WNT2B: variants seen among roughly 807,000 people sequenced by gnomAD.
The protein encoded by WNT2B is protein Wnt-2b.
Under a neutral mutation model 40.5 loss-of-function variants are expected in WNT2B, and 19 were observed. That is an observed-to-expected ratio of 0.47 (90% CI 0.33 to 0.69). The LOEUF (loss-of-function observed/expected upper bound fraction) is 0.69, where lower values mean the gene tolerates loss of function less well. Among genes scored for constraint, WNT2B ranks in the 30% least tolerant of loss-of-function variants. WNT2B has a pLI of 0.02. For synonymous variants in WNT2B, 220 were observed against 211.9 expected, an observed-to-expected ratio of 1.04 and a Z score of -0.33; for missense variants, 467 against 556.4, an observed-to-expected ratio of 0.84 and a Z score of 1.62.
Position 112,525,712 on chromosome 1 carries a change from A to G in WNT2B, c.*5203A>G, listed in dbSNP as rs12094504. ...TCTTTCTCTTTGACCAAAGGAGCCA[A>G]AATGCGGTGACTTGACTTCAACCCC... On this transcript the variant is annotated 3_prime_UTR_variant, in exon 5 of 5. Transcript: ENST00000369684. 0.02 allele frequency: 5,019 copies of G among 246,874 alleles called. 273 individuals carry two copies. The highest frequency in any genetic ancestry group is 0.1 in the African/African-American group (4,670 of 45,282). The allele number at this position is 246,874 out of a possible 1,614,324, so 15.3% of individuals were successfully genotyped here.
chr1:112,503,260 C>T (rs544903463), intron 1 of WNT2B, among the ~76,000 whole-genome samples: 1 of 152,192 alleles, frequency 6.6e-6, no homozygotes, highest in South Asian at 2.1e-4. Flanking sequence ...GACGGTCGGT[C>T]CCACAGAAGG....
intron 1 of WNT2B, among the ~76,000 whole-genome samples, chr1:112,510,952 C>T (rs1368015271): frequency 6.6e-6 from 1 of 152,202 alleles, no homozygotes; most frequent in Non-Finnish European, 1.5e-5. Flanking sequence ...GAAGTAACCG[C>T]TGCCCATCTT....
intron 1 of WNT2B, among the ~76,000 whole-genome samples, chr1:112,479,408 T>C (rs559886624): frequency 8.6e-5 from 13 of 151,488 alleles, no homozygotes; most frequent in Admixed American, 8.5e-4. Flanking sequence ...ACCCCGTCTC[T>C]ACTAAAAATA....
intron 1 of WNT2B, among the ~76,000 whole-genome samples, chr1:112,488,715 C>G (rs1651500499): frequency 6.6e-6 from 1 of 151,932 alleles, no homozygotes; most frequent in Non-Finnish European, 1.5e-5. Flanking sequence ...CCATGCCCGG[C>G]TAATTTTTTT....
intron 4 of WNT2B, among the ~76,000 whole-genome samples, chr1:112,519,129 G>C (rs1473419748): frequency 2.0e-5 from 3 of 152,134 alleles, no homozygotes; most frequent in Non-Finnish European, 4.4e-5. Context: ...AACATATACA[G>C]TAGACCTAGT....
intron 1 of WNT2B, 115 bp from the exon 2 acceptor site, chr1:112,514,759 G>A (rs1335219947): frequency 5.4e-6 from 5 of 931,130 alleles, no homozygotes; most frequent in Admixed American, 2.0e-5. Context: ...ATGTGGGTTA[G>A]GGAGAGGGGA....
chr1:112,504,280 G>A (rs545685609), upstream of WNT2B, among the ~76,000 whole-genome samples: 16 of 145,630 alleles, frequency 1.1e-4, no homozygotes, highest in South Asian at 2.0e-3. Context: ...ACCTCCCCAC[G>A]CCTCCTCTCC....
At position 112,520,392 on chromosome 1, in the gene WNT2B, C is replaced by T. The variant is rs141296639; in HGVS notation, c.1059C>T (p.Thr353=). 1.2e-6 allele frequency: 2 copies of T among 1,614,002 alleles called. No individual in the cohort carries two copies. The highest frequency in any genetic ancestry group is 4.5e-5 in the East Asian group (2 of 44,890). The change falls in exon 5 of 5, where the codon ACC becomes ACT. Residue 353 remains threonine (T), a synonymous_variant. Coordinates refer to ENST00000369684, the MANE Select transcript of WNT2B (RefSeq NM_024494.3). ...ACACAACTCGAGTCACCCGTGTTAC[C>T]CAGTGTGAGTGCAAATTCCACTGGT... ...GYDTTRVTRV[T]QCECKFHWCC...
At position 112,509,477 on chromosome 1, in the gene WNT2B, C is replaced by T; in HGVS notation, c.182+33C>T. On this transcript the variant is annotated intron_variant, in intron 1 of 4. Coordinates refer to ENST00000369684, the MANE Select transcript of WNT2B (RefSeq NM_024494.3). This position sits in a 1 kb window ranked among gnomAD's most constrained non-coding sequence, Gnocchi z 4.2. ...TGGCTCTCAGGCTGGGCGGGTGAGG[C>T]GCTTGGTAGGAGAGGCCGGAGGCGC... 4.5e-6 allele frequency: 7 copies of T among 1,539,122 alleles called. No individual in the cohort carries two copies. Among genetic ancestry groups the T allele is most frequent in the Non-Finnish European group, 6.0e-6 (7 of 1,158,850 alleles).
upstream of WNT2B, among the ~76,000 whole-genome samples, chr1:112,505,635 G>A (rs1652084726): frequency 6.6e-6 from 1 of 152,248 alleles, no homozygotes; most frequent in South Asian, 2.1e-4. Context: ...CTCCAGTAGT[G>A]TCTAGGACCT....
At chr1:112,475,447 A>G (rs1451201186) in intron 1 of WNT2B, among the ~76,000 whole-genome samples, 1 of 152,230 alleles carries the variant, frequency 6.6e-6, no homozygotes, top group Non-Finnish European at 1.5e-5. Flanking sequence ...AGATTTAAAG[A>G]ACAATAACTT....
chr1:112,516,521 TG>T (rs1570796783), intron 3 of WNT2B, 104 bp downstream of exon 3: 1 of 1,443,184 alleles, frequency 6.9e-7, no homozygotes, highest in East Asian at 2.3e-5. Flanking sequence ...TGAAGGCTTC[TG>T]GGTCACTTCC....
At chr1:112,513,483 G>GT (rs1652424606) in intron 1 of WNT2B, among the ~76,000 whole-genome samples, 1 of 134,768 alleles carries the variant, frequency 7.4e-6, no homozygotes, top group African/African-American at 2.7e-5. Flanking sequence ...CCTTGTGTTT[G>GT]TTTGAGTTGG....
At chr1:112,502,625 TC>T (rs1651995431) in intron 1 of WNT2B, among the ~76,000 whole-genome samples, 1 of 152,060 alleles carries the variant, frequency 6.6e-6, no homozygotes, top group South Asian at 2.1e-4. Flanking sequence ...ACCCTGCGTG[TC>T]CACGGTCCCC....
rs1362994400 is a variant in WNT2B, at chr1:112,508,978, GCAGCTCCCTT to G, written c.-280_-271del. Reference sequence around the variant, plus strand: ...AAGGGGCTGTCCGCACACTAGGCCCGCAGCTCCCTTCAGCGCCGCAGACCCCCTGACACCG... The same window carrying G: ...AAGGGGCTGTCCGCACACTAGGCCCGCAGCGCCGCAGACCCCCTGACACCG... On this transcript the variant is annotated 5_prime_UTR_variant, in exon 1 of 5. Transcript: ENST00000369684. The surrounding 1 kb of genome is among the most constrained non-coding windows in gnomAD (Gnocchi z 4.2). 7.9e-7 allele frequency: 1 copy of G among 1,264,560 alleles called. No homozygotes were observed. The allele number at this position is 1,264,560 out of a possible 1,614,324, so 78.3% of individuals were successfully genotyped here. A position where few individuals can be genotyped will look rare whatever the true frequency, so the allele number is the denominator to read the frequency against.
intron 1 of WNT2B, among the ~76,000 whole-genome samples, chr1:112,471,718 A>AC (rs1305563318): frequency 1.3e-5 from 2 of 152,222 alleles, no homozygotes; most frequent in African/African-American, 4.8e-5. Context: ...CTAGGAATAT[A>AC]CCCTGTAGTA....
At chr1:112,504,403 G>A (rs566475175), upstream of WNT2B, among the ~76,000 whole-genome samples, 1 of 152,248 alleles carries the variant, frequency 6.6e-6, no homozygotes, top group South Asian at 2.1e-4. Context: ...CCTCCATCAA[G>A]CCCCCTTTCC....
intron 1 of WNT2B, among the ~76,000 whole-genome samples, chr1:112,486,120 T>A (rs1250568113): frequency 1.2e-5 from 1 of 86,132 alleles, no homozygotes; most frequent in East Asian, 4.0e-4. Context: ...CTGGGCAAGA[T>A]AATGAGTTTT....
upstream of WNT2B, among the ~76,000 whole-genome samples, chr1:112,507,805 C>T (rs960852513): frequency 2.6e-5 from 4 of 152,218 alleles, no homozygotes; most frequent in Non-Finnish European, 5.9e-5. Flanking sequence ...GAAACTGAGG[C>T]TGAAGAAGCG....
Sources: allele counts gnomAD v4.1 joint callset (sites outside exome capture counted in the v4.1 genomes callset), GRCh38; gene constraint gnomAD v4.1.1; non-coding constraint Gnocchi (gnomAD v3.1); transcripts MANE v1.5; gene names NCBI Gene and HGNC (gene_info 2026-07-23, HGNC 2026-07-21).